DPY19L3: variants seen among roughly 807,000 people sequenced by gnomAD.
DPY19L3 encodes the protein dpy-19 like C-mannosyltransferase 3, also known as protein C-mannosyl-transferase DPY19L3.
Under a neutral mutation model 92.3 loss-of-function variants are expected in DPY19L3, and 51 were observed. The ratio of observed to expected loss-of-function variants is 0.55; its 90% CI spans 0.44 to 0.70. DPY19L3 has a LOEUF of 0.70. Among genes scored for constraint, DPY19L3 ranks in the 30% least tolerant of loss-of-function variants. The probability of loss-of-function intolerance (pLI) is 0.00; values close to 1 mark genes in which losing one functional copy is unlikely to be tolerated. For synonymous variants in DPY19L3, 309 were observed against 315.2 expected, an observed-to-expected ratio of 0.98 and a Z score of 0.21; for missense variants, 706 against 855.9, an observed-to-expected ratio of 0.82 and a Z score of 2.18.
At chr19:32,471,490 G>A (rs1231881387) in intron 16 of DPY19L3, among the ~76,000 whole-genome samples, 1 of 152,180 alleles carries the variant, frequency 6.6e-6, no homozygotes, top group Non-Finnish European at 1.5e-5. Flanking sequence ...AAACCCTGGG[G>A]ACACCTCAAG....
At chr19:32,473,568 G>C (rs1455713215) in intron 16 of DPY19L3, among the ~76,000 whole-genome samples, 2 of 152,172 alleles carry the variant, frequency 1.3e-5, no homozygotes, top group African/African-American at 4.8e-5. Flanking sequence ...GTGAATATAA[G>C]TATCTTTTTA....
At position 32,436,509 on chromosome 19, in the gene DPY19L3, G is replaced by A. The variant is rs775762339; in HGVS notation, c.392G>A (p.Arg131Gln). 1.6e-5 allele frequency: 26 copies of A among 1,577,846 alleles called. No homozygotes were observed. Among genetic ancestry groups the A allele is most frequent in the South Asian group, 1.0e-4 (9 of 87,278 alleles). ...ATGAAGACAATTAACCTCCTTCAGC[G>A]AATGAATATTTACCAAGAGGTTTTT... Reference protein sequence around the residue: ...ESMKTINLLQRMNIYQEVFLS... With the variant: ...ESMKTINLLQQMNIYQEVFLS... The change falls in exon 5 of 19, where the codon CGA becomes CAA. Residue 131 changes from arginine to glutamine, a missense_variant. Coordinates refer to ENST00000392250, the MANE Select transcript of DPY19L3 (RefSeq NM_001172774.2).
chr19:32,411,933 G>A (rs1226969801), intron 3 of DPY19L3: 2 of 152,560 alleles, frequency 1.3e-5, no homozygotes, highest in Non-Finnish European at 2.9e-5. Flanking sequence ...CTAGAATGCA[G>A]TGGTGCAAAC....
chr19:32,463,218 A>T (rs1293721648), intron 12 of DPY19L3, 148 bp from the exon 13 acceptor site: 1 of 871,578 alleles, frequency 1.1e-6, no homozygotes, highest in Non-Finnish European at 1.7e-6. Flanking sequence ...TAAATTCAAA[A>T]TTGATCAATG....
rs138442974 is a variant in DPY19L3 at position 32,476,947 on chromosome 19, C to T, written c.1698-575C>T. Reference sequence around the variant, plus strand: ...GTATCTGTGATTTTTTTCCTTATTGCTTTTTTAAGCAAAAACCCTTGGAAC... The same window carrying T: ...GTATCTGTGATTTTTTTCCTTATTGTTTTTTTAAGCAAAAACCCTTGGAAC... On this transcript the variant is annotated intron_variant, in intron 16 of 18. Coordinates refer to ENST00000392250, the MANE Select transcript of DPY19L3 (RefSeq NM_001172774.2). 1.4e-4 allele frequency among the ~76,000 whole-genome samples: 22 copies of T among 151,728 alleles called. No homozygotes were observed. In the East Asian group the frequency reaches 3.5e-3, roughly 24 times the overall value.
chr19:32,421,627 CAAA>C (rs869206912), intron 3 of DPY19L3, among the ~76,000 whole-genome samples: 40 of 58,806 alleles, frequency 6.8e-4, no homozygotes, highest in African/African-American at 1.8e-3. Context: ...GACTTCATCT[CAAA>C]AAAAAAAAAA....
At position 32,485,508 on chromosome 19, in the gene DPY19L3, GT is replaced by G. The variant is rs1970775454; in HGVS notation, c.*3269del. Reference sequence around the variant, plus strand: ...ATCTTTATTTCACAGTTAACTAAAAGTAAAAATGTCTATTCTGATTCCATAT... The same window carrying G: ...ATCTTTATTTCACAGTTAACTAAAAGAAAAATGTCTATTCTGATTCCATAT... On this transcript the variant is annotated 3_prime_UTR_variant, in exon 19 of 19. Transcript: ENST00000392250. 6.6e-6 allele frequency: 1 copy of G among 152,122 alleles called. No individual in the cohort carries two copies. Among genetic ancestry groups the G allele is most frequent in the South Asian group, 2.1e-4 (1 of 4,832 alleles). The allele number at this position is 152,122 out of a possible 1,614,324, so 9.4% of individuals were successfully genotyped here. A position where few individuals can be genotyped will look rare whatever the true frequency, so the allele number is the denominator to read the frequency against.
At chr19:32,423,637 A>G (rs182246919) in intron 3 of DPY19L3, among the ~76,000 whole-genome samples, 49 of 146,360 alleles carry the variant, frequency 3.3e-4, no homozygotes, top group East Asian at 3.3e-3. Flanking sequence ...AACATAAGTA[A>G]TAATGTTATA....
chr19:32,440,513 T>C lies in DPY19L3; in HGVS notation c.855+603T>C, dbSNP rs149924245. ...TAGTAACTTAAATATTTCCCAAGTA[T>C]AATAAAATACTTTCTCCATATCTAA... is the stretch of plus-strand genomic sequence containing the variant. On this transcript the variant is annotated intron_variant, in intron 8 of 18. Transcript: ENST00000392250. Among the ~76,000 whole-genome samples, 16 of 152,342 alleles carry C rather than the reference T, an allele frequency of 1.1e-4. 1 individual carries two copies. The highest frequency in any genetic ancestry group is 3.6e-4 in the African/African-American group (15 of 41,578).
intron 10 of DPY19L3, among the ~76,000 whole-genome samples, chr19:32,456,927 G>T (rs954273603): frequency 6.6e-6 from 1 of 152,208 alleles, no homozygotes; most frequent in African/African-American, 2.4e-5. Flanking sequence ...TTGGGAGGCT[G>T]AGGTGGGAGG....
intron 3 of DPY19L3, among the ~76,000 whole-genome samples, chr19:32,418,594 G>A (rs1164230125): frequency 1.3e-5 from 2 of 152,104 alleles, no homozygotes; most frequent in African/African-American, 4.8e-5. Context: ...TTTGGCCAAA[G>A]AAAAGCTCAT....
At chr19:32,431,703 T>C (rs1413595663) in intron 3 of DPY19L3, among the ~76,000 whole-genome samples, 1 of 152,202 alleles carries the variant, frequency 6.6e-6, no homozygotes, top group Non-Finnish European at 1.5e-5. Context: ...TTTTATACAA[T>C]ATAGTTCATA....
chr19:32,479,469 C>G (rs879215406), intron 17 of DPY19L3: 1 of 285,318 alleles, frequency 3.5e-6, no homozygotes, highest in South Asian at 2.8e-5. Flanking sequence ...ACCCTGGAAC[C>G]CTTGGAATGC....
chr19:32,424,673 G>A (rs1968698386), intron 3 of DPY19L3, among the ~76,000 whole-genome samples: 1 of 152,138 alleles, frequency 6.6e-6, no homozygotes, highest in Admixed American at 6.5e-5. Flanking sequence ...TTGACCTACA[G>A]AGTCAACATG....
At chr19:32,476,621 A>G (rs1044674050) in intron 16 of DPY19L3, among the ~76,000 whole-genome samples, 1 of 151,054 alleles carries the variant, frequency 6.6e-6, no homozygotes, top group African/African-American at 2.4e-5. Flanking sequence ...CTTTTCCTAT[A>G]TTCTGGGAGT....
rs78962250 is a variant in DPY19L3 at position 32,423,132 on chromosome 19, A to T, written c.238-9584A>T. Among the ~76,000 whole-genome samples, 441 of 152,326 alleles carry T rather than the reference A, an allele frequency of 2.9e-3. 1 individual carries two copies. The highest frequency in any genetic ancestry group is 0.01 in the African/African-American group (425 of 41,574). ...ACAGAAAGATGCTCAGTGGGGCTCA[A>T]ATTTATTTAACTATAGGACTAAAAC... On this transcript the variant is annotated intron_variant, in intron 3 of 18. Coordinates refer to ENST00000392250, the MANE Select transcript of DPY19L3 (RefSeq NM_001172774.2).
intron 4 of DPY19L3, 83 bp downstream of exon 4, chr19:32,432,889 C>T: frequency 9.5e-7 from 1 of 1,052,592 alleles, no homozygotes; most frequent in Non-Finnish European, 1.4e-6. Flanking sequence ...CTAAAAACCA[C>T]TTAAATGCTC....
chr19:32,423,278 G>A (rs573614763), intron 3 of DPY19L3, among the ~76,000 whole-genome samples: 9 of 151,912 alleles, frequency 5.9e-5, no homozygotes, highest in East Asian at 1.9e-4. Context: ...TCGCTCTGTC[G>A]CCTAGGCTGG....
At chr19:32,448,129 T>G (rs1194682091) in intron 8 of DPY19L3, among the ~76,000 whole-genome samples, 2 of 152,208 alleles carry the variant, frequency 1.3e-5, no homozygotes, top group Non-Finnish European at 2.9e-5. Flanking sequence ...AAACAAAGTT[T>G]TGAGCCTCTG....
Sources: gnomAD v4.1 joint callset for allele counts (sites outside exome capture counted in the v4.1 genomes callset) on GRCh38, gnomAD v4.1.1 for gene constraint, MANE v1.5 for transcripts, NCBI Gene and HGNC (gene_info 2026-07-23, HGNC 2026-07-21) for gene names.